The following TTBK2 variants were observed in gnomAD, a reference collection of about 807,000 sequenced individuals.
TTBK2 encodes the protein tau tubulin kinase 2.
In TTBK2, 28 loss-of-function variants were observed where a neutral mutation model predicts 110.8. The observed-to-expected ratio is 0.25, with a 90% CI of 0.19 to 0.35. The LOEUF (loss-of-function observed/expected upper bound fraction) is 0.35, where lower values mean the gene tolerates loss of function less well. TTBK2 is among the 10% of genes least tolerant of loss of function. The pLI, the probability that TTBK2 is intolerant of heterozygous loss-of-function variation, is 1.00. For synonymous variants in TTBK2, 532 were observed against 527.3 expected, an observed-to-expected ratio of 1.01 and a Z score of -0.12; for missense variants, 1,369 against 1,500.3, an observed-to-expected ratio of 0.91 and a Z score of 1.45.
intron 3 of TTBK2, among the ~76,000 whole-genome samples, chr15:42,871,259 ATTAG>A (rs1894605087): frequency 6.6e-6 from 1 of 152,204 alleles, no homozygotes; most frequent in African/African-American, 2.4e-5. Context: ...GGAAAAATAT[ATTAG>A]TTAATAACGT....
At chr15:42,801,879 C>T (rs187707919) in intron 9 of TTBK2, 3 of 1,231,872 alleles carry the variant, frequency 2.4e-6, no homozygotes, top group African/African-American at 2.9e-5. Context: ...CAACCTCATA[C>T]TTGTTCCTGA....
rs186427879 is a variant in TTBK2, at chr15:42,799,500, C to T, written c.823-4699G>A. 3.4e-3 allele frequency among the ~76,000 whole-genome samples: 518 copies of T among 152,148 alleles called. 1 individual carries two copies. Among genetic ancestry groups the T allele is most frequent in the Middle Eastern group, 0.024 (7 of 292 alleles). On this transcript the variant is annotated intron_variant, in intron 9 of 14. Transcript: ENST00000267890. ...CCAGGCTGGAGTGCAGTGGTGTGAT[C>T]TCAGCTCACTGCAACCTCTGCCTCC...
chr15:42,760,128 A>G (rs1405812556), intron 13 of TTBK2, among the ~76,000 whole-genome samples: 2 of 152,102 alleles, frequency 1.3e-5, no homozygotes, highest in Non-Finnish European at 2.9e-5. Flanking sequence ...GCTCACGCCT[A>G]TAATACCAGC....
intron 1 of TTBK2, among the ~76,000 whole-genome samples, chr15:42,881,104 A>G (rs1895022534): frequency 6.6e-6 from 1 of 151,756 alleles, no homozygotes; most frequent in South Asian, 2.1e-4. Flanking sequence ...CATTATGGCA[A>G]GACCCTGTCT....
intron 4 of TTBK2, among the ~76,000 whole-genome samples, chr15:42,836,256 A>C (rs1022601591): frequency 6.6e-6 from 1 of 152,214 alleles, no homozygotes; most frequent in African/African-American, 2.4e-5. Flanking sequence ...GTTCCTTAAA[A>C]ATTTTTAAGG....
At position 42,752,026 on chromosome 15, in the gene TTBK2, A is replaced by G; in HGVS notation, c.3220T>C (p.Phe1074Leu). 1 of 1,614,224 alleles carries G rather than the reference A, an allele frequency of 6.2e-7. No individual in the cohort carries two copies. The highest frequency in any genetic ancestry group is 8.5e-7 in the Non-Finnish European group (1 of 1,180,026). The change falls in exon 14 of 15, where the codon TTT becomes CTT. Residue 1074 changes from phenylalanine (F) to leucine (L), a missense_variant. Phe to Leu is a conservative substitution (Grantham distance 22, BLOSUM62 0). Coordinates refer to ENST00000267890, the MANE Select transcript of TTBK2 (RefSeq NM_173500.4). ...QVNSSTSSQF[F>L]PRPPPGKPPT... ...GGCTTTCCTGGTGGTGGCCGAGGAA[A>G]GAACTGAGACGAAGTTGAGCTATTG...
intron 1 of TTBK2, among the ~76,000 whole-genome samples, chr15:42,882,739 C>T (rs1168378347): frequency 2.0e-5 from 3 of 152,056 alleles, no homozygotes; most frequent in African/African-American, 7.2e-5. Flanking sequence ...AATAGAAACA[C>T]ATATTTAAAG....
rs763124830 is a variant in TTBK2 at position 42,801,299 on chromosome 15, A to G, written c.823-6498T>C. 21 of 1,605,182 alleles carry G rather than the reference A, an allele frequency of 1.3e-5. 1 individual carries two copies. Among genetic ancestry groups the G allele is most frequent in the Non-Finnish European group, 1.7e-5 (20 of 1,173,228 alleles). On this transcript the variant is annotated intron_variant, in intron 9 of 14. Coordinates refer to ENST00000267890, the MANE Select transcript of TTBK2 (RefSeq NM_173500.4). ...TGACGTTCATCAGCTCCTGGTACTC[A>G]CGCAGCTGCCGCGCCATGTCTTGAC...
At chr15:42,771,848 C>T (rs999432599) in intron 13 of TTBK2, among the ~76,000 whole-genome samples, 2 of 152,112 alleles carry the variant, frequency 1.3e-5, no homozygotes, top group Non-Finnish European at 2.9e-5. Context: ...TCTCCTGGCA[C>T]GAGGGACGGA....
chr15:42,775,965 C>G (rs1333888261), intron 12 of TTBK2, among the ~76,000 whole-genome samples: 1 of 152,160 alleles, frequency 6.6e-6, no homozygotes, highest in Admixed American at 6.5e-5. Flanking sequence ...GTCAAACCAA[C>G]TTTTTATTGA....
chr15:42,830,344 T>G (rs1406571397), intron 4 of TTBK2, among the ~76,000 whole-genome samples: 2 of 152,084 alleles, frequency 1.3e-5, no homozygotes, highest in Non-Finnish European at 2.9e-5. Flanking sequence ...CATGCCATCA[T>G]GCCCAGCAAA....
At chr15:42,900,724 C>A (rs767076524) in intron 1 of TTBK2, among the ~76,000 whole-genome samples, 142 of 151,188 alleles carry the variant, frequency 9.4e-4, no homozygotes, top group Non-Finnish European at 7.2e-4. Flanking sequence ...TCCATCCCCC[C>A]ACCAAAAAAA....
At chr15:42,878,964 G>A (rs1407965839) in intron 1 of TTBK2, among the ~76,000 whole-genome samples, 1 of 152,186 alleles carries the variant, frequency 6.6e-6, no homozygotes, top group Non-Finnish European at 1.5e-5. Flanking sequence ...GGGCAAGCAT[G>A]ATGTCAATGG....
intron 1 of TTBK2, among the ~76,000 whole-genome samples, chr15:42,916,192 C>A (rs1313795356): frequency 1.3e-5 from 2 of 152,100 alleles, no homozygotes; most frequent in Non-Finnish European, 2.9e-5. Flanking sequence ...TTATTATCTA[C>A]CATATAATTT....
Position 42,752,218 on chromosome 15 carries a change from C to G in TTBK2, c.3028G>C (p.Val1010Leu). The G allele has an allele frequency of 6.2e-7, 1 of 1,614,058 alleles. No individual in the cohort carries two copies. The highest frequency in any genetic ancestry group is 8.5e-7 in the Non-Finnish European group (1 of 1,179,966). ...TCCTCCTCACAAAAGGGAGCAGGAA[C>G]AGTAGCTAGTTTCTCCTCTAGCAAT... ...DKLLEEKLATVPAPFCEEEVL... is the reference protein window; with the variant it reads ...DKLLEEKLATLPAPFCEEEVL... The change falls in exon 14 of 15, where the codon GTT (valine) becomes CTT (leucine). Residue 1010 changes from valine to leucine, a missense_variant. Physicochemically the swap from Val to Leu is conservative, Grantham distance 32 (BLOSUM62 1). Transcript: ENST00000267890.
intron 10 of TTBK2, among the ~76,000 whole-genome samples, chr15:42,790,996 G>A (rs920392268): frequency 2.6e-5 from 4 of 152,146 alleles, no homozygotes; most frequent in Admixed American, 2.6e-4. Context: ...CCATTCTCCC[G>A]CCTCAGCCTC....
intron 4 of TTBK2, among the ~76,000 whole-genome samples, chr15:42,836,573 AG>A (rs899464046): frequency 6.6e-6 from 1 of 152,202 alleles, no homozygotes; most frequent in Non-Finnish European, 1.5e-5. Flanking sequence ...ACAAATCCAT[AG>A]GAACTTGCCA....
rs892787344 is a variant in TTBK2, at chr15:42,920,463, T to C, written c.-93A>G. ...CTGGGCCGTGGCGGACGCAGGGGTT[T>C]CTGGAGGAGGGCTCTGGTCCAGCTC... On this transcript the variant is annotated 5_prime_UTR_variant, in exon 1 of 15. Coordinates refer to ENST00000267890, the MANE Select transcript of TTBK2 (RefSeq NM_173500.4). The C allele has an allele frequency of 6.6e-5, 10 of 152,362 alleles. No homozygotes were observed. Among genetic ancestry groups the C allele is most frequent in the African/African-American group, 2.4e-4 (10 of 41,408 alleles). The allele number at this position is 152,362 out of a possible 1,614,324, so 9.4% of individuals were successfully genotyped here. A position where few individuals can be genotyped will look rare whatever the true frequency, so the allele number is the denominator to read the frequency against.
intron 1 of TTBK2, among the ~76,000 whole-genome samples, chr15:42,888,149 T>C (rs1895316882): frequency 6.6e-6 from 1 of 152,124 alleles, no homozygotes; most frequent in Non-Finnish European, 1.5e-5. Context: ...TTTAATACTT[T>C]TAGAGGCCCT....
Sources: gnomAD v4.1 joint callset for allele counts (sites outside exome capture counted in the v4.1 genomes callset) on GRCh38, gnomAD v4.1.1 for gene constraint, MANE v1.5 for transcripts, NCBI Gene and HGNC (gene_info 2026-07-23, HGNC 2026-07-21) for gene names.